The following KLRF1 variants were observed in gnomAD, a reference collection of about 807,000 sequenced individuals.
KLRF1 encodes the protein killer cell lectin-like receptor subfamily F member 1.
Under a neutral mutation model 30.7 loss-of-function variants are expected in KLRF1, and 27 were observed. The ratio of observed to expected loss-of-function variants is 0.88; its 90% confidence interval spans 0.65 to 1.21. The LOEUF is 1.21. KLRF1 is among the 50% of genes most tolerant of loss of function. The pLI is 0.00. For synonymous variants in KLRF1, 92 were observed against 89.3 expected (o/e 1.03, Z -0.17); for missense variants, 246 against 259.3 (o/e 0.95, Z 0.35).
the KLRF1 span, among the ~76,000 whole-genome samples, chr12:9,809,618 A>T: frequency 6.6e-6 from 1 of 152,144 alleles, no homozygotes; most frequent in Non-Finnish European, 1.5e-5. Flanking sequence ...CAGAAGGCAG[A>T]ATTGATACCA....
chr12:9,840,858 A>C (rs1867685006), intron 3 of KLRF1, among the ~76,000 whole-genome samples: 1 of 152,154 alleles, frequency 6.6e-6, no homozygotes, highest in Non-Finnish European at 1.5e-5. Flanking sequence ...GTGGAAGCGT[A>C]AATTTGTTCA....
chr12:9,844,282 G>A (rs1867764476), intron 5 of KLRF1, 136 bp from the exon 6 acceptor site: 3 of 548,844 alleles, frequency 5.5e-6, no homozygotes, highest in East Asian at 3.3e-5. Context: ...TACTGTAATC[G>A]TTAGTGAATC....
intron 3 of KLRF1, among the ~76,000 whole-genome samples, chr12:9,839,175 G>A (rs905217103): frequency 2.0e-5 from 3 of 151,996 alleles, no homozygotes; most frequent in Non-Finnish European, 4.4e-5. Flanking sequence ...GCGTGGTTGG[G>A]TTCTGGTGAG....
At chr12:9,830,867 G>T (rs1267479034) in intron 1 of KLRF1, among the ~76,000 whole-genome samples, 2 of 151,892 alleles carry the variant, frequency 1.3e-5, no homozygotes, top group East Asian at 3.9e-4. Context: ...ACCTTTATAA[G>T]TTAAATTAAA....
At chr12:9,832,257 AT>A in intron 1 of KLRF1, 58 bp from the exon 2 acceptor site, 1 of 895,982 alleles carries the variant, frequency 1.1e-6, no homozygotes, top group Non-Finnish European at 1.8e-6. Flanking sequence ...TACAATTGCT[AT>A]TGTATTACTT....
the KLRF1 span, among the ~76,000 whole-genome samples, chr12:9,820,172 GA>G: frequency 6.6e-6 from 1 of 152,114 alleles, no homozygotes; most frequent in Non-Finnish European, 1.5e-5. Context: ...CAACATGTTG[GA>G]ACCTCCCTGG....
At chr12:9,832,634 G>A (rs1249936226) in intron 2 of KLRF1, among the ~76,000 whole-genome samples, 1 of 148,048 alleles carries the variant, frequency 6.8e-6, no homozygotes, top group African/African-American at 2.5e-5. Context: ...AGTCTAATAC[G>A]GAGAAAGGAG....
intron 1 of KLRF1, among the ~76,000 whole-genome samples, chr12:9,828,154 A>G (rs1366593127): frequency 6.6e-6 from 1 of 151,494 alleles, no homozygotes; most frequent in Non-Finnish European, 1.5e-5. Context: ...ATCTCGGCTC[A>G]CTGCAACCTC....
At chr12:9,814,191 TGCCTCCAGTCAAAGGGAGCCAAAAC>T in the KLRF1 span, among the ~76,000 whole-genome samples, 1 of 152,122 alleles carries the variant, frequency 6.6e-6, no homozygotes, top group Non-Finnish European at 1.5e-5. Flanking sequence ...CTGGGGAGGC[TGCCTCCAGTCAAAGGGAGCCAAAAC>T]GCAAGCTCCC....
intron 3 of KLRF1, among the ~76,000 whole-genome samples, chr12:9,837,811 T>C (rs563910880): frequency 1.3e-5 from 2 of 152,140 alleles, no homozygotes; most frequent in South Asian, 2.1e-4. Context: ...CTGGATTTCA[T>C]AGAAACTCAT....
upstream of KLRF1, among the ~76,000 whole-genome samples, chr12:9,822,616 A>G (rs917909935): frequency 2.0e-5 from 3 of 152,242 alleles, no homozygotes; most frequent in Non-Finnish European, 4.4e-5. Flanking sequence ...ATCCACACAT[A>G]TGAATACTAA....
intron 1 of KLRF1, 82 bp from the exon 2 acceptor site, chr12:9,832,234 A>G: frequency 1.4e-6 from 1 of 734,218 alleles, no homozygotes; most frequent in South Asian, 1.8e-5. Flanking sequence ...AATATTTTAT[A>G]CAATCCTATT....
the KLRF1 span, among the ~76,000 whole-genome samples, chr12:9,800,084 C>T: frequency 0.015 from 2,206 of 151,998 alleles, 41 homozygotes; most frequent in African/African-American, 0.05. Flanking sequence ...CATAAGTTGT[C>T]GACTCATTTG....
chr12:9,843,936 A>G (rs761408371), intron 5 of KLRF1, among the ~76,000 whole-genome samples: 1 of 152,268 alleles, frequency 6.6e-6, no homozygotes, highest in East Asian at 1.9e-4. Flanking sequence ...GTTACATTAT[A>G]AGTAAATAAT....
the KLRF1 span, among the ~76,000 whole-genome samples, chr12:9,806,495 T>C: frequency 6.6e-6 from 1 of 152,166 alleles, no homozygotes; most frequent in Non-Finnish European, 1.5e-5. Context: ...TACTTTCAAC[T>C]TATTTTTATC....
rs1867677225 is a variant in KLRF1 at position 9,840,502 on chromosome 12, A to G, written c.335-1310A>G. On this transcript the variant is annotated intron_variant, in intron 3 of 5. Coordinates refer to ENST00000617889, the MANE Select transcript of KLRF1 (RefSeq NM_016523.3). ...CAAAAATCTCGATATTTTCCATTTA[A>G]TTTAATTTACCTTAATATTAAGCTA... Among the ~76,000 whole-genome samples the G allele has an allele frequency of 2.0e-5, 3 of 152,106 alleles. No individual in the cohort carries two copies. The South Asian group carries it at 6.2e-4, about 31-fold the overall frequency.
In KLRF1 at chr12:9,833,342, G is replaced by T. The variant is rs1361013579; in HGVS notation, c.224G>T (p.Cys75Phe). 6.2e-7 allele frequency: 1 copy of T among 1,606,300 alleles called. No individual in the cohort carries two copies. Among genetic ancestry groups the T allele is most frequent in the East Asian group, 2.3e-5 (1 of 44,338 alleles). Residue 75 changes from cysteine to phenylalanine, a missense_variant, in exon 3 of 6, where the codon TGT (cysteine) becomes TTT (phenylalanine). Cys to Phe is a radical substitution (Grantham distance 205). Transcript: ENST00000617889. Reference sequence around the variant, plus strand: ...TTGCTAAAATGCCAAAAAGGAAGTTGTTCAAATGCCACTCAGTATGAGGAC... The same window carrying T: ...TTGCTAAAATGCCAAAAAGGAAGTTTTTCAAATGCCACTCAGTATGAGGAC... ...GVLLKCQKGS[C>F]SNATQYEDTG...
At chr12:9,814,382 G>A in the KLRF1 span, among the ~76,000 whole-genome samples, 1 of 152,200 alleles carries the variant, frequency 6.6e-6, no homozygotes, top group Non-Finnish European at 1.5e-5. Flanking sequence ...GAGGCGCCTG[G>A]GGATTGCCCA....
chr12:9,826,786 C>T (rs188757313), upstream of KLRF1, among the ~76,000 whole-genome samples: 3 of 152,192 alleles, frequency 2.0e-5, no homozygotes, highest in Admixed American at 2.0e-4. Context: ...AACCAAATAC[C>T]ACATGTTCTC....
Sources: gnomAD v4.1 joint callset for allele counts (sites outside exome capture counted in the v4.1 genomes callset) on GRCh38, gnomAD v4.1.1 for gene constraint, MANE v1.5 for transcripts, NCBI Gene and HGNC (gene_info 2026-07-23, HGNC 2026-07-21) for gene names.